The following MTURN variants were observed in gnomAD, a reference collection of about 807,000 sequenced individuals.
MTURN encodes maturin.
In MTURN, 7 loss-of-function variants were observed where a neutral mutation model predicts 14.9. The observed-to-expected ratio is 0.47, with a 90% CI of 0.27 to 0.88. The LOEUF (loss-of-function observed/expected upper bound fraction) is 0.88. MTURN is among the 40% of genes least tolerant of loss of function. The pLI is 0.14. For synonymous variants in MTURN, 69 were observed against 72.5 expected, an observed-to-expected ratio of 0.95 and a Z score of 0.25; for missense variants, 151 against 174.1, an observed-to-expected ratio of 0.87 and a Z score of 0.75.
rs139332238 is a variant in MTURN at position 30,154,720 on chromosome 7, G to A, written c.286-2718G>A. On this transcript the variant is annotated intron_variant, in intron 2 of 2. Coordinates refer to ENST00000324453, the MANE Select transcript of MTURN (RefSeq NM_152793.3). Reference sequence around the variant, plus strand: ...CACACACCCTCTCAATAAATCTGTAGACCCTACACTAAGGTGCCTCCAAAT... The same window carrying A: ...CACACACCCTCTCAATAAATCTGTAAACCCTACACTAAGGTGCCTCCAAAT... Among the ~76,000 whole-genome samples, 620 of 152,276 alleles carry A rather than the reference G, an allele frequency of 4.1e-3. 5 individuals are homozygous for A. Among genetic ancestry groups the A allele is most frequent in the African/African-American group, 0.014 (581 of 41,542 alleles).
At chr7:30,139,067 A>C (rs1309532118) in intron 1 of MTURN, among the ~76,000 whole-genome samples, 3 of 152,188 alleles carry the variant, frequency 2.0e-5, no homozygotes, top group African/African-American at 7.2e-5. Flanking sequence ...TCTAAGCTTC[A>C]TGAGAGCAGA....
intron 2 of MTURN, among the ~76,000 whole-genome samples, chr7:30,153,920 G>C (rs1797247586): frequency 6.6e-6 from 1 of 152,074 alleles, no homozygotes; most frequent in African/African-American, 2.4e-5. Flanking sequence ...GTTTCACCAT[G>C]TTGGCTAGGC....
Position 30,160,574 on chromosome 7 carries a change from G to T in MTURN, c.*3026G>T, listed in dbSNP as rs1435134192. 1 of 152,236 alleles carries T rather than the reference G, an allele frequency of 6.6e-6. No homozygotes were observed. The highest frequency in any genetic ancestry group is 1.5e-5 in the Non-Finnish European group (1 of 68,052). The allele number at this position is 152,236 out of a possible 1,614,324, so 9.4% of individuals were successfully genotyped here. On this transcript the variant is annotated 3_prime_UTR_variant, in exon 3 of 3. Coordinates refer to ENST00000324453, the MANE Select transcript of MTURN (RefSeq NM_152793.3). ...CAGTGAAAGTAACGTGAGAGAGAAAGAGTGTGTGTGTATATGTGAGAGAGA... is the reference window on the plus strand; with the variant it reads ...CAGTGAAAGTAACGTGAGAGAGAAATAGTGTGTGTGTATATGTGAGAGAGA...
chr7:30,138,786 A>G (rs959083099), intron 1 of MTURN, among the ~76,000 whole-genome samples: 1 of 152,108 alleles, frequency 6.6e-6, no homozygotes, highest in Non-Finnish European at 1.5e-5. Context: ...CCTGGCCCCA[A>G]GCCCCCACAT....
chr7:30,135,358 C>T (rs1335521458), intron 1 of MTURN, 60 bp downstream of exon 1: 28 of 1,413,962 alleles, frequency 2.0e-5, no homozygotes, highest in Non-Finnish European at 2.5e-5. Context: ...GCGGTGCGTC[C>T]CTGCGCCCGA....
At position 30,144,875 on chromosome 7, in the gene MTURN, G is replaced by C. The variant is rs534897663; in HGVS notation, c.163-1302G>C. 7.3e-5 allele frequency among the ~76,000 whole-genome samples: 11 copies of C among 150,404 alleles called. No homozygotes were observed. The South Asian group carries it at 1.1e-3, about 14-fold the overall frequency. ...AAGTCTTCTATCCTGCTATCTGGCC[G>C]CTGCATCTTGTTCTTATCTGCCAGA... On this transcript the variant is annotated intron_variant, in intron 1 of 2. Coordinates refer to ENST00000324453, the MANE Select transcript of MTURN (RefSeq NM_152793.3).
chr7:30,152,314 C>T (rs1394991350), intron 2 of MTURN, among the ~76,000 whole-genome samples: 1 of 152,078 alleles, frequency 6.6e-6, no homozygotes, highest in Admixed American at 6.6e-5. Context: ...ACTGACAGAC[C>T]AGGACCCCAC....
At chr7:30,144,379 T>C (rs1325199837) in intron 1 of MTURN, among the ~76,000 whole-genome samples, 2 of 152,270 alleles carry the variant, frequency 1.3e-5, no homozygotes, top group African/African-American at 4.8e-5. Context: ...AGAACTTTTG[T>C]TGTTCTTCCA....
intron 1 of MTURN, chr7:30,137,779 A>G (rs549650728): frequency 2.1e-4 from 87 of 416,008 alleles, no homozygotes; most frequent in African/African-American, 1.7e-3. Flanking sequence ...AGCATTAGAC[A>G]AAAGTGTGAG....
At chr7:30,136,928 A>AT (rs1488378227) in intron 1 of MTURN, among the ~76,000 whole-genome samples, 1 of 152,312 alleles carries the variant, frequency 6.6e-6, no homozygotes, top group East Asian at 1.9e-4. Context: ...AGCTTGTCTC[A>AT]TTTTTTAAAG....
Position 30,162,144 on chromosome 7 carries a change from A to G in MTURN, c.*4596A>G, listed in dbSNP as rs1797384410. ...AGCGATTAAAAGTAGATGCCAGGCC[A>G]CATAAAAATAAATGTTTTAATTTAC... On this transcript the variant is annotated 3_prime_UTR_variant, in exon 3 of 3. Transcript: ENST00000324453. 6.6e-6 allele frequency: 1 copy of G among 150,848 alleles called. No homozygotes were observed. The highest frequency in any genetic ancestry group is 1.5e-5 in the Non-Finnish European group (1 of 68,028). The allele number at this position is 150,848 out of a possible 1,614,324, so 9.3% of individuals were successfully genotyped here. A position where few individuals can be genotyped will look rare whatever the true frequency, so the allele number is the denominator to read the frequency against.
At chr7:30,149,005 G>A (rs1387524119) in intron 2 of MTURN, among the ~76,000 whole-genome samples, 1 of 152,090 alleles carries the variant, frequency 6.6e-6, no homozygotes, top group African/African-American at 2.4e-5. Context: ...GGTCTCTGTG[G>A]GTGTCGTCTG....
intron 1 of MTURN, among the ~76,000 whole-genome samples, chr7:30,138,041 T>C (rs1796992209): frequency 6.6e-6 from 1 of 152,206 alleles, no homozygotes; most frequent in South Asian, 2.1e-4. Flanking sequence ...TAGATCAGAC[T>C]ACTTGGGTTT....
chr7:30,143,488 T>C (rs1055822367), intron 1 of MTURN, among the ~76,000 whole-genome samples: 2 of 152,024 alleles, frequency 1.3e-5, no homozygotes, highest in Admixed American at 6.6e-5. Context: ...TGTTATGAGA[T>C]ACAATGGATA....
At chr7:30,154,086 C>T (rs186787692) in intron 2 of MTURN, among the ~76,000 whole-genome samples, 31 of 152,264 alleles carry the variant, frequency 2.0e-4, no homozygotes, top group African/African-American at 7.5e-4. Flanking sequence ...CCAGAGCCAG[C>T]AAACGAGACA....
intron 1 of MTURN, among the ~76,000 whole-genome samples, chr7:30,135,897 C>G (rs1297477084): frequency 1.3e-5 from 2 of 152,258 alleles, no homozygotes; most frequent in African/African-American, 2.4e-5. Flanking sequence ...TAGCGATGCC[C>G]GATCTCCTGG....
At chr7:30,155,675 A>G (rs564258160) in intron 2 of MTURN, among the ~76,000 whole-genome samples, 4 of 152,364 alleles carry the variant, frequency 2.6e-5, no homozygotes, top group Admixed American at 6.5e-5. Context: ...GTGTGTCTGC[A>G]GTTGACTGTG....
intron 2 of MTURN, among the ~76,000 whole-genome samples, chr7:30,146,719 G>A (rs748838680): frequency 1.3e-5 from 2 of 152,120 alleles, no homozygotes; most frequent in Non-Finnish European, 2.9e-5. Context: ...ATACCTCCAC[G>A]TTTGTGGGTA....
At position 30,152,142 on chromosome 7, in the gene MTURN, T is replaced by C. The variant is rs560569941; in HGVS notation, c.286-5296T>C. Among the ~76,000 whole-genome samples the C allele has an allele frequency of 4.9e-5, 7 of 143,904 alleles. No individual in the cohort carries two copies. The East Asian group carries it at 1.2e-3, about 25-fold the overall frequency. The allele number at this position is 143,904 out of a possible 152,430, so 94.4% of individuals were successfully genotyped here. ...ATGGAATATTGACAGTTTATCTTTT[T>C]TTTCTTTTTTCCTTTTTTTTTTTCT... On this transcript the variant is annotated intron_variant, in intron 2 of 2. Transcript: ENST00000324453.
Sources: gnomAD v4.1 joint callset for allele counts (sites outside exome capture counted in the v4.1 genomes callset) on GRCh38, gnomAD v4.1.1 for gene constraint, MANE v1.5 for transcripts, NCBI Gene and HGNC (gene_info 2026-07-23, HGNC 2026-07-21) for gene names.